The following SPOCK3 variants were observed in gnomAD, a reference collection of about 807,000 sequenced individuals.
The protein encoded by SPOCK3 is testican-3.
SPOCK3 carries 30 observed loss-of-function variants against 56.6 expected under a neutral mutation model. The observed-to-expected ratio is 0.53, with a 90% CI of 0.40 to 0.72. The LOEUF (loss-of-function observed/expected upper bound fraction) is 0.72. Ranked by LOEUF, SPOCK3 falls within the 30% of genes least tolerant of loss-of-function variation. The pLI, the probability that SPOCK3 is intolerant of heterozygous loss-of-function variation, is 0.00. For missense variants in SPOCK3, 527 were observed against 530.0 expected, an observed-to-expected ratio of 0.99 and a Z score of 0.06; for synonymous variants, 196 against 183.3, an observed-to-expected ratio of 1.07 and a Z score of -0.56.
chr4:167,005,754 GT>G (rs1749404235), intron 3 of SPOCK3, among the ~76,000 whole-genome samples: 1 of 152,078 alleles, frequency 6.6e-6, no homozygotes, highest in Admixed American at 6.5e-5. Context: ...AAAGGTCTTT[GT>G]TTTTGTTGTT....
chr4:167,102,048 G>A (rs1759701108), intron 2 of SPOCK3, among the ~76,000 whole-genome samples: 2 of 151,428 alleles, frequency 1.3e-5, no homozygotes, highest in South Asian at 4.2e-4. Context: ...ATCTAAATAA[G>A]CAAGAGTGTC....
At chr4:167,221,878 C>T (rs966916662) in intron 2 of SPOCK3, among the ~76,000 whole-genome samples, 20 of 152,056 alleles carry the variant, frequency 1.3e-4, no homozygotes, top group African/African-American at 4.8e-5. Flanking sequence ...ACAGCGTAAC[C>T]ACCACGGAAA....
At chr4:166,918,761 C>A (rs1317512560) in intron 4 of SPOCK3, among the ~76,000 whole-genome samples, 1 of 151,982 alleles carries the variant, frequency 6.6e-6, no homozygotes, top group Non-Finnish European at 1.5e-5. Flanking sequence ...TTTTTCCCTC[C>A]AAATGTCATG....
chr4:166,769,530 C>G (rs1348024740), intron 7 of SPOCK3, among the ~76,000 whole-genome samples: 1 of 152,152 alleles, frequency 6.6e-6, no homozygotes. Context: ...ATGTTCCTGC[C>G]TGATCGTTCC....
intron 2 of SPOCK3, among the ~76,000 whole-genome samples, chr4:167,090,053 A>G (rs1210100426): frequency 6.6e-6 from 1 of 152,134 alleles, no homozygotes; most frequent in Non-Finnish European, 1.5e-5. Context: ...AGTTTTCAGT[A>G]TGGGGTAATT....
chr4:166,960,804 G>A (rs986130683), intron 4 of SPOCK3, among the ~76,000 whole-genome samples: 1 of 152,140 alleles, frequency 6.6e-6, no homozygotes, highest in Non-Finnish European at 1.5e-5. Flanking sequence ...AGGCACAGGA[G>A]GGATCGAGTT....
chr4:167,090,413 A>G (rs1398270165), intron 2 of SPOCK3, among the ~76,000 whole-genome samples: 2 of 151,944 alleles, frequency 1.3e-5, no homozygotes, highest in African/African-American at 2.4e-5. Flanking sequence ...TCATGTGCTG[A>G]TTGGCCATTT....
At chr4:166,830,673 G>T (rs1279434603) in intron 6 of SPOCK3, among the ~76,000 whole-genome samples, 2 of 152,226 alleles carry the variant, frequency 1.3e-5, no homozygotes, top group Admixed American at 1.3e-4. Flanking sequence ...GGTAGAGGTT[G>T]CAGTGAGCCA....
At chr4:167,175,510 T>C (rs1169476745) in intron 2 of SPOCK3, among the ~76,000 whole-genome samples, 12 of 152,126 alleles carry the variant, frequency 7.9e-5, no homozygotes, top group Non-Finnish European at 1.8e-4. Flanking sequence ...TACTTCAGAG[T>C]GTGACCTTAT....
intron 7 of SPOCK3, among the ~76,000 whole-genome samples, chr4:166,770,967 G>A (rs1403148084): frequency 2.0e-5 from 3 of 150,644 alleles, no homozygotes; most frequent in Admixed American, 1.3e-4. Flanking sequence ...TATGTCTATC[G>A]ATCTTGTTTA....
At chr4:167,034,316 AG>A (rs773909522) in intron 3 of SPOCK3, among the ~76,000 whole-genome samples, 1 of 151,900 alleles carries the variant, frequency 6.6e-6, no homozygotes, top group East Asian at 1.9e-4. Context: ...CATATACCCA[AG>A]CTGTATCAAA....
intron 4 of SPOCK3, among the ~76,000 whole-genome samples, chr4:166,965,197 A>G (rs187156563): frequency 6.6e-6 from 1 of 152,146 alleles, no homozygotes; most frequent in Non-Finnish European, 1.5e-5. Flanking sequence ...CTTAGAGTCA[A>G]TATTTTACCA....
In SPOCK3 at chr4:166,851,574, A is replaced by C. The variant is rs532529763; in HGVS notation, c.589+37556T>G. Reference sequence around the variant, plus strand: ...CAAAGAAGTTGAAAACTTTGAAAAAAATTTAGAAGAATGTATAACTAGAAT... The same window carrying C: ...CAAAGAAGTTGAAAACTTTGAAAAACATTTAGAAGAATGTATAACTAGAAT... On this transcript the variant is annotated intron_variant, in intron 6 of 10. Transcript: ENST00000357545. Among the ~76,000 whole-genome samples, 403 of 152,356 alleles carry C rather than the reference A, an allele frequency of 2.6e-3. 1 individual carries two copies. Among genetic ancestry groups the C allele is most frequent in the African/African-American group, 9.3e-3 (388 of 41,588 alleles).
chr4:167,105,044 C>G (rs1759979359), intron 2 of SPOCK3, among the ~76,000 whole-genome samples: 2 of 151,846 alleles, frequency 1.3e-5, no homozygotes, highest in Admixed American at 1.3e-4. Flanking sequence ...GAAATAAAAG[C>G]TTTCTAAGAC....
intron 2 of SPOCK3, among the ~76,000 whole-genome samples, chr4:167,192,942 A>G (rs1185656718): frequency 6.9e-6 from 1 of 145,446 alleles, no homozygotes; most frequent in Non-Finnish European, 1.5e-5. Context: ...CCAGTTTTAT[A>G]CTATTGTGGT....
intron 3 of SPOCK3, among the ~76,000 whole-genome samples, chr4:167,006,947 A>T (rs1384320481): frequency 6.6e-6 from 1 of 152,220 alleles, no homozygotes; most frequent in Admixed American, 6.5e-5. Flanking sequence ...CTTTGGGTAA[A>T]TATGCTGTCA....
chr4:167,110,462 C>A (rs1436026118), intron 2 of SPOCK3, among the ~76,000 whole-genome samples: 1 of 152,030 alleles, frequency 6.6e-6, no homozygotes, highest in African/African-American at 2.4e-5. Context: ...CACCTCTTAT[C>A]TATATGATTC....
chr4:166,935,271 CT>C (rs1740278472), intron 4 of SPOCK3, among the ~76,000 whole-genome samples: 2 of 152,068 alleles, frequency 1.3e-5, no homozygotes, highest in Non-Finnish European at 2.9e-5. Flanking sequence ...TAATATCTCC[CT>C]CAGCAAAGGG....
At chr4:167,057,642 C>T (rs988267770) in intron 3 of SPOCK3, among the ~76,000 whole-genome samples, 1 of 151,984 alleles carries the variant, frequency 6.6e-6, no homozygotes, top group African/African-American at 2.4e-5. Flanking sequence ...CAATCCTAGT[C>T]TCTGATAAAA....
Sources: gnomAD v4.1 joint callset for allele counts (sites outside exome capture counted in the v4.1 genomes callset) on GRCh38, gnomAD v4.1.1 for gene constraint, MANE v1.5 for transcripts, NCBI Gene and HGNC (gene_info 2026-07-23, HGNC 2026-07-21) for gene names.